THSD4: variants seen among roughly 807,000 people sequenced by gnomAD.
THSD4 encodes the protein thrombospondin type 1 domain containing 4.
In THSD4, 69 loss-of-function variants were observed where a neutral mutation model predicts 119.0. That is an observed-to-expected ratio of 0.58 (90% CI 0.48 to 0.71). THSD4 has a LOEUF of 0.71. Among genes scored for constraint, THSD4 ranks in the 30% least tolerant of loss-of-function variants. The pLI, the probability that THSD4 is intolerant of heterozygous loss-of-function variation, is 0.00. For synonymous variants in THSD4, 524 were observed against 540.4 expected (o/e 0.97, Z 0.42); for missense variants, 1,393 against 1,391.1 (o/e 1.00, Z -0.02).
chr15:71,392,744 C>T (rs2046393729), intron 6 of THSD4, among the ~76,000 whole-genome samples: 1 of 152,212 alleles, frequency 6.6e-6, no homozygotes, highest in Non-Finnish European at 1.5e-5. Flanking sequence ...AACTCAATGG[C>T]CACCATCCAA....
intron 7 of THSD4, among the ~76,000 whole-genome samples, chr15:71,538,701 A>G (rs1319444616): frequency 6.6e-6 from 1 of 152,228 alleles, no homozygotes; most frequent in Non-Finnish European, 1.5e-5. Flanking sequence ...TGATAGTTGC[A>G]TTTTAAAACA....
intron 7 of THSD4, among the ~76,000 whole-genome samples, chr15:71,537,750 ATTTT>A (rs1286401919): frequency 1.3e-5 from 2 of 151,608 alleles, no homozygotes; most frequent in African/African-American, 2.4e-5. Context: ...CTTTAAAAAA[ATTTT>A]TTTTTATTTT....
At chr15:71,496,587 G>A (rs982140262) in intron 7 of THSD4, among the ~76,000 whole-genome samples, 2 of 152,106 alleles carry the variant, frequency 1.3e-5, no homozygotes, top group Non-Finnish European at 2.9e-5. Context: ...CAAAAAGTAC[G>A]TTACTCCCTG....
chr15:71,685,488 C>T (rs2051889218), intron 8 of THSD4, among the ~76,000 whole-genome samples: 1 of 151,976 alleles, frequency 6.6e-6, no homozygotes, highest in South Asian at 2.1e-4. Context: ...TAACTATTTC[C>T]CAGAGCAAAA....
At chr15:71,256,534 G>A (rs983551611) in intron 5 of THSD4, 79 bp from the exon 6 acceptor site, 3 of 1,029,400 alleles carry the variant, frequency 2.9e-6, no homozygotes, top group Middle Eastern at 2.2e-4. Context: ...AGTTGGAAAG[G>A]TATCCAGGGT....
At chr15:71,775,249 A>G (rs991155726) in intron 17 of THSD4, among the ~76,000 whole-genome samples, 9 of 152,358 alleles carry the variant, frequency 5.9e-5, no homozygotes, top group Non-Finnish European at 1.2e-4. Context: ...CCCAAAAAAG[A>G]AGATGGTAGA....
intron 2 of THSD4, among the ~76,000 whole-genome samples, chr15:71,153,548 C>T (rs1259585275): frequency 6.6e-6 from 1 of 152,184 alleles, no homozygotes; most frequent in African/African-American, 2.4e-5. Context: ...CATGTCTGTT[C>T]TGTGTGATCT....
At position 71,782,425 on chromosome 15, in the gene THSD4, CTTA is replaced by C. The variant is rs1176653495; in HGVS notation, c.*5057_*5059del. 1 of 152,156 alleles carries C rather than the reference CTTA, an allele frequency of 6.6e-6. No individual in the cohort carries two copies. Among genetic ancestry groups the C allele is most frequent in the East Asian group, 1.9e-4 (1 of 5,202 alleles). 9.4% of individuals were successfully genotyped at this position (152,156 alleles called of 1,614,324 possible). A position where few individuals can be genotyped will look rare whatever the true frequency, so the allele number is the denominator to read the frequency against. Reference sequence around the variant, plus strand: ...GACAGAAGGATATACTTTGTTATAACTTATTATTTTGTTCTCTGTAAATACAAG... The same window carrying C: ...GACAGAAGGATATACTTTGTTATAACTTATTTTGTTCTCTGTAAATACAAG... On this transcript the variant is annotated 3_prime_UTR_variant, in exon 18 of 18. Transcript: ENST00000261862.
At chr15:71,776,802 A>G (rs907121021) in intron 17 of THSD4, among the ~76,000 whole-genome samples, 11 of 152,280 alleles carry the variant, frequency 7.2e-5, no homozygotes, top group Non-Finnish European at 1.6e-4. Context: ...TTCATCAAAT[A>G]TGAATGAATC....
chr15:71,569,918 C>T (rs1259976083), intron 7 of THSD4, among the ~76,000 whole-genome samples: 1 of 152,136 alleles, frequency 6.6e-6, no homozygotes, highest in Non-Finnish European at 1.5e-5. Flanking sequence ...CACTTGAACC[C>T]AGGAGGCAGA....
At chr15:71,638,626 G>A (rs4270126) in intron 7 of THSD4, among the ~76,000 whole-genome samples, 148,273 of 152,328 alleles carry the variant, frequency 0.97, 72,304 homozygotes, top group East Asian at 1. Flanking sequence ...AGACATATCA[G>A]TGCAACAGTA....
At chr15:71,484,133 A>C (rs988133007) in intron 7 of THSD4, among the ~76,000 whole-genome samples, 1 of 152,232 alleles carries the variant, frequency 6.6e-6, no homozygotes, top group African/African-American at 2.4e-5. Context: ...TTTGAAACTC[A>C]GATGGAGATA....
At chr15:71,407,607 T>TTTC (rs1555410672) in intron 6 of THSD4, among the ~76,000 whole-genome samples, 8 of 151,730 alleles carry the variant, frequency 5.3e-5, no homozygotes, top group Admixed American at 1.3e-4. Flanking sequence ...TTTTTTTTTT[T>TTTC]CATGGTCAGA....
rs375149198 is a variant in THSD4, at chr15:71,765,139, C to G, written c.2709C>G (p.Ser903Arg). 26 of 1,614,120 alleles carry G rather than the reference C, an allele frequency of 1.6e-5. No individual in the cohort carries two copies. In the African/African-American group the frequency reaches 3.2e-4, roughly 20 times the overall value. ...SECSFLEKPP[S>R]QQSCHLKPCG... ...GTTCTTTCCTGGAGAAACCCCCCAGCCAGCAATCCTGCCACCTCAAGCCTT... is the reference window on the plus strand; with the variant it reads ...GTTCTTTCCTGGAGAAACCCCCCAGGCAGCAATCCTGCCACCTCAAGCCTT... The change falls in exon 16 of 18, where the codon AGC becomes AGG. Residue 903 changes from serine (S) to arginine (R), a missense_variant. Physicochemically the swap from Ser to Arg is moderately radical, Grantham distance 110. Transcript: ENST00000261862.
chr15:71,684,836 A>G (rs2051873629), intron 8 of THSD4, among the ~76,000 whole-genome samples: 1 of 152,176 alleles, frequency 6.6e-6, no homozygotes, highest in Non-Finnish European at 1.5e-5. Flanking sequence ...AGATTTTTAT[A>G]AAAACTCACC....
intron 6 of THSD4, among the ~76,000 whole-genome samples, chr15:71,298,866 G>A (rs929158383): frequency 1.4e-4 from 22 of 152,230 alleles, no homozygotes; most frequent in African/African-American, 2.4e-5. Flanking sequence ...ACCGGCCTCG[G>A]CCTCCCAAAG....
intron 7 of THSD4, among the ~76,000 whole-genome samples, chr15:71,539,984 AG>A (rs1018134560): frequency 4.7e-4 from 71 of 152,342 alleles, no homozygotes; most frequent in African/African-American, 1.6e-3. Flanking sequence ...GACAGAAGCC[AG>A]GGCAGTGCCC....
chr15:71,496,711 A>G (rs547824992), intron 7 of THSD4, among the ~76,000 whole-genome samples: 51 of 152,346 alleles, frequency 3.3e-4, no homozygotes, highest in Non-Finnish European at 6.0e-4. Context: ...ACCAGGCACA[A>G]TGATGCTTGG....
At chr15:71,137,567 T>C (rs894480051) in intron 1 of THSD4, among the ~76,000 whole-genome samples, 2 of 152,210 alleles carry the variant, frequency 1.3e-5, no homozygotes, top group African/African-American at 2.4e-5. Context: ...AAAAATGCTG[T>C]TCGTGACCCA....
Sources: gnomAD v4.1 joint callset for allele counts (sites outside exome capture counted in the v4.1 genomes callset) on GRCh38, gnomAD v4.1.1 for gene constraint, MANE v1.5 for transcripts, NCBI Gene and HGNC (gene_info 2026-07-23, HGNC 2026-07-21) for gene names.